The following PTPRD variants were observed in gnomAD, a reference collection of about 807,000 sequenced individuals.
PTPRD encodes receptor-type tyrosine-protein phosphatase delta.
Under a neutral mutation model 214.5 loss-of-function variants are expected in PTPRD, and 34 were observed. The ratio of observed to expected loss-of-function variants is 0.16; its 90% CI spans 0.12 to 0.21. The LOEUF is 0.21. PTPRD is among the 10% of genes least tolerant of loss of function. PTPRD has a pLI of 1.00. For synonymous variants in PTPRD, 1,128 were observed against 845.7 expected, an observed-to-expected ratio of 1.33 and a Z score of -5.79; for missense variants, 2,545 against 2,398.7, an observed-to-expected ratio of 1.06 and a Z score of -1.27.
At chr9:9,067,296 A>G (rs1407076842) in intron 10 of PTPRD, among the ~76,000 whole-genome samples, 1 of 152,196 alleles carries the variant, frequency 6.6e-6, no homozygotes, top group Non-Finnish European at 1.5e-5. Flanking sequence ...TTTCAACTGT[A>G]TTTTTGTGTT....
At chr9:10,152,724 C>T (rs1166001022) in intron 3 of PTPRD, among the ~76,000 whole-genome samples, 1 of 152,144 alleles carries the variant, frequency 6.6e-6, no homozygotes, top group Non-Finnish European at 1.5e-5. Flanking sequence ...ACTCAAGAGG[C>T]TGAGGCAGGA....
At chr9:8,995,302 C>T (rs2099392343) in intron 11 of PTPRD, among the ~76,000 whole-genome samples, 1 of 152,014 alleles carries the variant, frequency 6.6e-6, no homozygotes, top group African/African-American at 2.4e-5. Context: ...TAGAAATACA[C>T]ATTGACCTAT....
chr9:8,468,469 G>C (rs1428466063), intron 31 of PTPRD, among the ~76,000 whole-genome samples: 1 of 151,882 alleles, frequency 6.6e-6, no homozygotes, highest in Non-Finnish European at 1.5e-5. Flanking sequence ...TACCCAGTTT[G>C]ACCTTGACAA....
intron 3 of PTPRD, among the ~76,000 whole-genome samples, chr9:10,239,908 G>C (rs2099641687): frequency 6.6e-6 from 1 of 151,626 alleles, no homozygotes; most frequent in African/African-American, 2.4e-5. Context: ...TTTCCCCAAA[G>C]CCAGCTGTAA....
rs890942121 is a variant in PTPRD at position 9,262,352 on chromosome 9, T to C, written c.-202-78989A>G. On this transcript the variant is annotated intron_variant, in intron 9 of 45. Coordinates refer to ENST00000381196, the MANE Select transcript of PTPRD (RefSeq NM_002839.4). ...TGCTAAAAATAGTACAATTTCAATA[T>C]ATAATCAATATAAAAATATTAATGT... 4.0e-5 allele frequency among the ~76,000 whole-genome samples: 6 copies of C among 151,030 alleles called. No homozygotes were observed. In the East Asian group the frequency reaches 1.2e-3, roughly 30 times the overall value.
chr9:8,485,128 C>A lies in PTPRD; in HGVS notation c.3153+99G>T, dbSNP rs10116716. ...AATGAAAATAGCAAGGACACGTGGC[C>A]AAAACAAAGTGGTCTGCTTGCTGTG... On this transcript the variant is annotated intron_variant, in intron 29 of 45. Coordinates refer to ENST00000381196, the MANE Select transcript of PTPRD (RefSeq NM_002839.4). 7,993 of 987,488 alleles carry A rather than the reference C, an allele frequency of 8.1e-3. 410 individuals are homozygous for A. In the African/African-American group the frequency reaches 0.12, roughly 14 times the overall value. The allele number at this position is 987,488 out of a possible 1,614,324, so 61.2% of individuals were successfully genotyped here. A position where few individuals can be genotyped will look rare whatever the true frequency, so the allele number is the denominator to read the frequency against.
At chr9:9,681,357 G>T (rs966055002) in intron 7 of PTPRD, among the ~76,000 whole-genome samples, 1 of 151,652 alleles carries the variant, frequency 6.6e-6, no homozygotes, top group South Asian at 2.1e-4. Context: ...AAAAATATCT[G>T]AATGGATATC....
At chr9:8,456,869 G>T (rs1228032117) in intron 33 of PTPRD, among the ~76,000 whole-genome samples, 1 of 152,164 alleles carries the variant, frequency 6.6e-6, no homozygotes, top group Non-Finnish European at 1.5e-5. Flanking sequence ...TGATTCCATA[G>T]TATGTAATAA....
At chr9:10,385,445 A>G (rs374201734) in intron 2 of PTPRD, among the ~76,000 whole-genome samples, 29 of 151,970 alleles carry the variant, frequency 1.9e-4, no homozygotes, top group African/African-American at 6.7e-4. Context: ...TTCAGCAAAA[A>G]ATGTATCTAT....
intron 14 of PTPRD, among the ~76,000 whole-genome samples, chr9:8,534,802 G>A (rs751679138): frequency 6.6e-6 from 1 of 151,620 alleles, no homozygotes; most frequent in Non-Finnish European, 1.5e-5. Flanking sequence ...AATACACATT[G>A]GTCTTAAGGT....
At chr9:10,523,398 A>C (rs1490708372) in intron 2 of PTPRD, among the ~76,000 whole-genome samples, 2 of 151,406 alleles carry the variant, frequency 1.3e-5, no homozygotes, top group African/African-American at 4.9e-5. Context: ...CCCAAGCAAC[A>C]CTTCTCCTAG....
chr9:8,425,438 C>G (rs1335813888), intron 35 of PTPRD, among the ~76,000 whole-genome samples: 1 of 109,746 alleles, frequency 9.1e-6, no homozygotes, highest in Non-Finnish European at 1.9e-5. Context: ...CACCTCTCAG[C>G]AGCATGACCC....
rs934944650 is a variant in PTPRD at position 9,619,872 on chromosome 9, T to C, written c.-286-45091A>G. Among the ~76,000 whole-genome samples, 7 of 148,880 alleles carry C rather than the reference T, an allele frequency of 4.7e-5. No homozygotes were observed. In the South Asian group the frequency reaches 1.3e-3, roughly 27 times the overall value. On this transcript the variant is annotated intron_variant, in intron 7 of 45. Transcript: ENST00000381196. ...ATTTCTATATAGAAACATCTATATATAATATAGATGTTTTTATATACAGAT... is the reference window on the plus strand; with the variant it reads ...ATTTCTATATAGAAACATCTATATACAATATAGATGTTTTTATATACAGAT...
intron 6 of PTPRD, among the ~76,000 whole-genome samples, chr9:9,744,463 G>A (rs753541700): frequency 2.0e-5 from 3 of 152,160 alleles, no homozygotes; most frequent in Admixed American, 6.5e-5. Context: ...ATTTTCCACA[G>A]TGAGCTTACA....
intron 23 of PTPRD, among the ~76,000 whole-genome samples, chr9:8,503,906 G>A (rs1276430370): frequency 6.6e-6 from 1 of 152,118 alleles, no homozygotes; most frequent in Non-Finnish European, 1.5e-5. Flanking sequence ...CATTTGCGAA[G>A]CCCTCCTATG....
chr9:10,570,025 G>A (rs369357160), intron 2 of PTPRD, among the ~76,000 whole-genome samples: 22 of 151,706 alleles, frequency 1.5e-4, no homozygotes, highest in Non-Finnish European at 2.2e-4. Context: ...GGTCATTTTC[G>A]TATAAAACTA....
intron 5 of PTPRD, among the ~76,000 whole-genome samples, chr9:9,866,398 A>C (rs995801496): frequency 1.3e-5 from 2 of 152,156 alleles, no homozygotes; most frequent in Non-Finnish European, 2.9e-5. Flanking sequence ...AAGACATGTA[A>C]TGTGGTGGCC....
At chr9:9,352,969 G>C (rs1181194403) in intron 9 of PTPRD, among the ~76,000 whole-genome samples, 1 of 151,802 alleles carries the variant, frequency 6.6e-6, no homozygotes, top group Non-Finnish European at 1.5e-5. Flanking sequence ...CTCATTACTT[G>C]TACTGCTTGG....
intron 34 of PTPRD, among the ~76,000 whole-genome samples, chr9:8,447,724 G>A (rs919647303): frequency 8.5e-5 from 13 of 152,090 alleles, no homozygotes; most frequent in African/African-American, 2.9e-4. Flanking sequence ...CCTTCTTTTG[G>A]GGGTACCCTT....
Sources: allele counts gnomAD v4.1 joint callset (sites outside exome capture counted in the v4.1 genomes callset), GRCh38; gene constraint gnomAD v4.1.1; transcripts MANE v1.5; gene names NCBI Gene and HGNC (gene_info 2026-07-23, HGNC 2026-07-21).